MBD5: variants seen among roughly 807,000 people sequenced by gnomAD.
The protein encoded by MBD5 is methyl-CpG-binding domain protein 5.
A neutral mutation model predicts 117.3 loss-of-function variants in MBD5; 13 were observed. The observed-to-expected ratio is 0.11, with a 90% CI of 0.07 to 0.18. MBD5 has a LOEUF of 0.18. Ranked by LOEUF, MBD5 falls within the 10% of genes least tolerant of loss-of-function variation. The probability of loss-of-function intolerance (pLI) is 1.00; values close to 1 mark genes in which losing one functional copy is unlikely to be tolerated. For synonymous variants in MBD5, 727 were observed against 766.4 expected, an observed-to-expected ratio of 0.95 and a Z score of 0.85; for missense variants, 1,879 against 2,093.8, an observed-to-expected ratio of 0.90 and a Z score of 2.00.
At chr2:148,173,525 G>A (rs1234752997) in intron 1 of MBD5, among the ~76,000 whole-genome samples, 1 of 152,156 alleles carries the variant, frequency 6.6e-6, no homozygotes, top group Non-Finnish European at 1.5e-5. Context: ...TGCTCAAGTG[G>A]ACAGAATGAG....
chr2:148,105,785 CCTT>C (rs1416268264), intron 1 of MBD5, among the ~76,000 whole-genome samples: 2 of 151,948 alleles, frequency 1.3e-5, no homozygotes, highest in East Asian at 3.9e-4. Context: ...TAACTTTCAT[CCTT>C]CTTTTCCATA....
chr2:148,382,964 A>T (rs1167576019), intron 4 of MBD5, among the ~76,000 whole-genome samples: 1 of 151,660 alleles, frequency 6.6e-6, no homozygotes, highest in African/African-American at 2.4e-5. Flanking sequence ...CAGTGTGTAG[A>T]GGGAAATTTA....
At chr2:148,382,559 T>C (rs1231684688) in intron 4 of MBD5, among the ~76,000 whole-genome samples, 2 of 151,910 alleles carry the variant, frequency 1.3e-5, no homozygotes, top group African/African-American at 2.4e-5. Context: ...GACAGAAAAT[T>C]AACAAGGATA....
chr2:148,144,624 A>T (rs572133657), intron 1 of MBD5, among the ~76,000 whole-genome samples: 1 of 152,210 alleles, frequency 6.6e-6, no homozygotes, highest in Non-Finnish European at 1.5e-5. Flanking sequence ...TAATTTTTGT[A>T]TAAGGTGTAA....
intron 1 of MBD5, among the ~76,000 whole-genome samples, chr2:148,053,138 G>T (rs1299385021): frequency 6.6e-6 from 1 of 151,988 alleles, no homozygotes; most frequent in Non-Finnish European, 1.5e-5. Context: ...AACTGTTATT[G>T]TTGAACTGTC....
intron 3 of MBD5, among the ~76,000 whole-genome samples, chr2:148,312,543 A>G (rs1462235451): frequency 2.0e-5 from 3 of 152,112 alleles, no homozygotes; most frequent in Non-Finnish European, 4.4e-5. Flanking sequence ...TCTACTTAGC[A>G]ATTCCTGTAA....
At chr2:148,142,073 C>T (rs911060663) in intron 1 of MBD5, among the ~76,000 whole-genome samples, 11 of 151,874 alleles carry the variant, frequency 7.2e-5, no homozygotes, top group East Asian at 3.9e-4. Flanking sequence ...AAAACCGAAG[C>T]GATAAAAAGG....
chr2:148,285,337 T>G (rs1202719688), intron 3 of MBD5, among the ~76,000 whole-genome samples: 1 of 152,236 alleles, frequency 6.6e-6, no homozygotes, highest in Non-Finnish European at 1.5e-5. Context: ...CAACCTCTTT[T>G]TTCTCATCTG....
intron 2 of MBD5, among the ~76,000 whole-genome samples, chr2:148,213,475 A>G (rs1018075964): frequency 2.0e-5 from 3 of 152,330 alleles, no homozygotes; most frequent in South Asian, 4.1e-4. Context: ...AACAGTAACT[A>G]TAAAAGTCAG....
Position 148,122,382 on chromosome 2 carries a change from T to G in MBD5, c.-924-56318T>G, listed in dbSNP as rs1696790308. Among the ~76,000 whole-genome samples, 3 of 152,176 alleles carry G rather than the reference T, an allele frequency of 2.0e-5. No individual in the cohort carries two copies. In the South Asian group the frequency reaches 6.2e-4, roughly 31 times the overall value. ...GAGATTGCCTTAATTAAAAGAGGAA[T>G]CTTAAAAATGAGAGACACAAATGAC... On this transcript the variant is annotated intron_variant, in intron 1 of 13. Transcript: ENST00000642680.
At chr2:148,319,388 C>T (rs1050982748) in intron 3 of MBD5, among the ~76,000 whole-genome samples, 16 of 152,186 alleles carry the variant, frequency 1.1e-4, no homozygotes, top group Non-Finnish European at 4.4e-5. Flanking sequence ...AATCCATGAG[C>T]GTAGGATGTT....
At position 148,175,221 on chromosome 2, in the gene MBD5, A is replaced by G. The variant is rs1376839656; in HGVS notation, c.-924-3479A>G. ...ATCATAACTTCACTTCGTATTTTAT[A>G]AATATATATAGCTATTGTGAAAATA... On this transcript the variant is annotated intron_variant, in intron 1 of 13. Coordinates refer to ENST00000642680, the MANE Select transcript of MBD5 (RefSeq NM_001378120.1). 2.6e-5 allele frequency among the ~76,000 whole-genome samples: 4 copies of G among 152,180 alleles called. No individual in the cohort carries two copies. In the East Asian group the frequency reaches 7.7e-4, roughly 29 times the overall value.
intron 3 of MBD5, among the ~76,000 whole-genome samples, chr2:148,332,248 G>A (rs1420749646): frequency 3.3e-5 from 5 of 151,916 alleles, no homozygotes; most frequent in African/African-American, 9.7e-5. Flanking sequence ...ATTTTGTTAA[G>A]TTTAATATTC....
At chr2:148,323,766 C>T (rs1044793905) in intron 3 of MBD5, among the ~76,000 whole-genome samples, 6 of 152,232 alleles carry the variant, frequency 3.9e-5, no homozygotes, top group South Asian at 2.1e-4. Context: ...GAGTAGGTTG[C>T]AAAAATTTTC....
chr2:148,082,385 C>A (rs116040651), intron 1 of MBD5, among the ~76,000 whole-genome samples: 3,972 of 152,286 alleles, frequency 0.026, 101 homozygotes, highest in African/African-American at 0.067. Flanking sequence ...AACAGGTTCT[C>A]TGAACTCTTC....
At chr2:148,169,444 T>TTA in intron 1 of MBD5, among the ~76,000 whole-genome samples, 1 of 152,090 alleles carries the variant, frequency 6.6e-6, no homozygotes, top group South Asian at 2.1e-4. Context: ...TGATAAAATA[T>TTA]TATACTTCTT....
At position 148,040,917 on chromosome 2, in the gene MBD5, G is replaced by A. The variant is rs146290348; in HGVS notation, c.-925+19233G>A. ...TGGCTTTACAAAATAAGCCACAAAA[G>A]CACTGGTAGATGTTATCTACCAGTG... On this transcript the variant is annotated intron_variant, in intron 1 of 13. Coordinates refer to ENST00000642680, the MANE Select transcript of MBD5 (RefSeq NM_001378120.1). 2.6e-4 allele frequency among the ~76,000 whole-genome samples: 40 copies of A among 152,158 alleles called. No individual in the cohort carries two copies. The East Asian group carries it at 3.5e-3, about 13-fold the overall frequency.
intron 3 of MBD5, among the ~76,000 whole-genome samples, chr2:148,317,667 GT>G (rs1280842988): frequency 6.6e-6 from 1 of 151,322 alleles, no homozygotes; most frequent in Non-Finnish European, 1.5e-5. Flanking sequence ...ATGTCCAAGT[GT>G]TTCCGTCATT....
rs747786470 is a variant in MBD5, at chr2:148,468,427, C to T, written c.484C>T (p.Pro162Ser). 12 of 1,613,504 alleles carry T rather than the reference C, an allele frequency of 7.4e-6. No individual in the cohort carries two copies. Among genetic ancestry groups the T allele is most frequent in the South Asian group, 1.1e-5 (1 of 91,080 alleles). ...TGAAGGAATTACAAATTCTGTAATG[C>T]CTGAATGTAAGAATCCTTTCAAGTT... is the stretch of plus-strand genomic sequence containing the variant. ...SHEGITNSVM[P>S]ECKNPFKLMI... Residue 162 changes from proline to serine, a missense_variant, in exon 8 of 14, where the codon CCT becomes TCT. Pro to Ser is a moderately conservative substitution (Grantham distance 74, BLOSUM62 -1). Coordinates refer to ENST00000642680, the MANE Select transcript of MBD5 (RefSeq NM_001378120.1).
Sources: allele counts gnomAD v4.1 joint callset (sites outside exome capture counted in the v4.1 genomes callset), GRCh38; gene constraint gnomAD v4.1.1; transcripts MANE v1.5; gene names NCBI Gene and HGNC (gene_info 2026-07-23, HGNC 2026-07-21).